The following MMS19 variants were observed in gnomAD, a reference collection of about 807,000 sequenced individuals.
The protein encoded by MMS19 is MMS19 nucleotide excision repair protein homolog.
MMS19 carries 77 observed loss-of-function variants against 129.8 expected under a neutral mutation model. The observed-to-expected ratio is 0.59, with a 90% CI of 0.49 to 0.72. MMS19 has a LOEUF of 0.72. MMS19 is among the 30% of genes least tolerant of loss of function. The pLI is 0.00. For missense variants in MMS19, 1,168 were observed against 1,266.3 expected (o/e 0.92, Z 1.18); for synonymous variants, 491 against 502.8 (o/e 0.98, Z 0.31).
intron 29 of MMS19, 99 bp downstream of exon 29, chr10:97,459,124 A>T: frequency 8.4e-7 from 1 of 1,184,106 alleles, no homozygotes; most frequent in Non-Finnish European, 1.2e-6. Flanking sequence ...GATCTCAATT[A>T]CACACCAGGG....
At position 97,495,311 on chromosome 10, in the gene MMS19, C is replaced by T. The variant is rs369137023; in HGVS notation, c.112+2962G>A. ...TAACCCTTAGGCTGCCAGGTTATTT[C>T]CCTCCCATCGCCTGCAGCTTCTTTA... On this transcript the variant is annotated intron_variant, in intron 1 of 30. Coordinates refer to ENST00000438925, the MANE Select transcript of MMS19 (RefSeq NM_022362.5). 2.0e-5 allele frequency among the ~76,000 whole-genome samples: 3 copies of T among 152,222 alleles called. No individual in the cohort carries two copies. The East Asian group carries it at 5.8e-4, about 29-fold the overall frequency.
intron 11 of MMS19, 141 bp downstream of exon 11, chr10:97,469,505 T>C: frequency 1.5e-6 from 1 of 672,800 alleles, no homozygotes; most frequent in Non-Finnish European, 2.6e-6. Context: ...TAGAATTATG[T>C]CCCCCTACTT....
At chr10:97,461,396 T>C (rs2031865944) in intron 23 of MMS19, 100 bp downstream of exon 23, 5 of 1,396,150 alleles carry the variant, frequency 3.6e-6, no homozygotes, top group Non-Finnish European at 4.9e-6. Context: ...CCTGTTAATG[T>C]TATTAGCAAG....
At chr10:97,460,319 T>G (rs2031421917) in intron 25 of MMS19, 87 bp from the exon 26 acceptor site, 1 of 1,292,816 alleles carries the variant, frequency 7.7e-7, no homozygotes, top group Admixed American at 2.2e-5. Context: ...TGGTGGCTCA[T>G]GCCTGTAATC....
chr10:97,459,169 TTATGTG>T (rs2030870296), intron 29 of MMS19, 48 bp downstream of exon 29: 1 of 1,557,122 alleles, frequency 6.4e-7, no homozygotes, highest in East Asian at 2.3e-5. Context: ...AAAAAGGTAC[TTATGTG>T]TCTCTTGAGA....
At chr10:97,486,211 T>C (rs1191459609) in intron 1 of MMS19, among the ~76,000 whole-genome samples, 1 of 152,148 alleles carries the variant, frequency 6.6e-6, no homozygotes, top group Non-Finnish European at 1.5e-5. Context: ...TGAGACAGGG[T>C]CTCTCTGTCA....
At chr10:97,484,221 T>A (rs982139780) in intron 1 of MMS19, 70 bp from the exon 2 acceptor site, 6 of 1,075,116 alleles carry the variant, frequency 5.6e-6, no homozygotes, top group Non-Finnish European at 7.9e-6. Context: ...ATAACACTAA[T>A]TATAATGTTT....
intron 29 of MMS19, 149 bp downstream of exon 29, chr10:97,459,074 C>A: frequency 1.0e-6 from 1 of 965,698 alleles, no homozygotes; most frequent in South Asian, 1.7e-5. Context: ...GGAAAAGAAT[C>A]CTTGGGCCCA....
chr10:97,463,919 C>A lies in MMS19; in HGVS notation c.1851G>T (p.Trp617Cys). ...AAGGTATAGCTGTCTGGTGGAAATA[C>A]CAGCAACTCTCAGGGTCCTGCTGAC... ...EKCQQDPESCWYFHQTAIPCL... is the reference protein window; with the variant it reads ...EKCQQDPESCCYFHQTAIPCL... The change falls in exon 19 of 31, where the codon TGG becomes TGT. Residue 617 changes from tryptophan (W) to cysteine (C), a missense_variant. Trp to Cys is a radical substitution (Grantham distance 215). This residue lies in a region of MMS19 where 831 missense variants were observed against 910.8 expected (regional missense o/e 0.91). Transcript: ENST00000438925. 6.2e-7 allele frequency: 1 copy of A among 1,612,784 alleles called. No individual in the cohort carries two copies. The highest frequency in any genetic ancestry group is 8.5e-7 in the Non-Finnish European group (1 of 1,179,378).
rs1188007843 is a variant in MMS19 at position 97,470,151 on chromosome 10, T to C, written c.824A>G (p.Lys275Arg). ...EKVDSEVLSA[K>R]LDSLQTLNAC... is the part of the protein sequence containing the mutation. ...CACCAGAGTCTGTAGAGAATCCAAC[T>C]TGGCACTCAGAACCTCAGAATCCAC... Residue 275 changes from lysine (K) to arginine (R), a missense_variant, in exon 10 of 31, where the codon AAG (lysine) becomes AGG (arginine). Coordinates refer to ENST00000438925, the MANE Select transcript of MMS19 (RefSeq NM_022362.5). The C allele has an allele frequency of 2.5e-6, 4 of 1,609,888 alleles. No homozygotes were observed. Among genetic ancestry groups the C allele is most frequent in the East Asian group, 2.2e-5 (1 of 44,836 alleles).
chr10:97,459,225 C>G lies in MMS19; in HGVS notation c.2962G>C (p.Val988Leu), dbSNP rs375234767. 1.9e-6 allele frequency: 3 copies of G among 1,611,390 alleles called. No homozygotes were observed. The highest frequency in any genetic ancestry group is 2.5e-6 in the Non-Finnish European group (3 of 1,178,956). Residue 988 changes from valine (V) to leucine (L), a missense_variant and splice_region_variant, in exon 29 of 31, where the codon GTG becomes CTG. By Grantham distance (32) the Val-to-Leu change is conservative. Around this residue, in one of 3 missense-constraint regions of MMS19, gnomAD observed 831 missense variants for 910.8 expected, o/e 0.91. Transcript: ENST00000438925. ...MHALTRLPTP[V>L]LLPYKPQVIR... is the part of the protein sequence containing the mutation. ...GGAAGGACACCTGAGGTACTTACCACAGGGGTGGGCAGGCGAGTGAGAGCA... is the reference window on the plus strand; with the variant it reads ...GGAAGGACACCTGAGGTACTTACCAGAGGGGTGGGCAGGCGAGTGAGAGCA...
At chr10:97,498,538 G>C (rs1301816182), upstream of MMS19, 1 of 1,067,996 alleles carries the variant, frequency 9.4e-7, no homozygotes, top group Non-Finnish European at 1.3e-6. Flanking sequence ...GTTCCAGGGA[G>C]GGGCGGGGCC....
chr10:97,467,028 G>A (rs1589614564), intron 14 of MMS19, 127 bp from the exon 15 acceptor site: 1 of 1,012,548 alleles, frequency 9.9e-7, no homozygotes, highest in Non-Finnish European at 1.4e-6. Flanking sequence ...GCCCAGGCTG[G>A]AGTGCAGTGG....
At position 97,498,422 on chromosome 10, in the gene MMS19, T is replaced by C; in HGVS notation, c.-38A>G. On this transcript the variant is annotated 5_prime_UTR_variant, in exon 1 of 31. Coordinates refer to ENST00000438925, the MANE Select transcript of MMS19 (RefSeq NM_022362.5). The stretch of plus-strand genomic sequence containing the variant: ...AGACCGTGGGAGGGGATATGGGCGG[T>C]GGCTCGAGACGGGCTCTCCGCGCAT... 2 of 1,566,794 alleles carry C rather than the reference T, an allele frequency of 1.3e-6. No individual in the cohort carries two copies. The highest frequency in any genetic ancestry group is 1.7e-6 in the Non-Finnish European group (2 of 1,165,000).
At chr10:97,492,860 CAAAAAA>C (rs67491435) in intron 1 of MMS19, among the ~76,000 whole-genome samples, 2 of 106,084 alleles carry the variant, frequency 1.9e-5, no homozygotes, top group Non-Finnish European at 2.0e-5. Flanking sequence ...CTTCATCTCC[CAAAAAA>C]AAAAAAAAAA....
chr10:97,469,826 G>C, intron 10 of MMS19, 103 bp from the exon 11 acceptor site: 2 of 941,290 alleles, frequency 2.1e-6, no homozygotes, highest in Non-Finnish European at 3.3e-6. Flanking sequence ...GGTCTCAGCA[G>C]AAAAACCAGT....
chr10:97,497,300 C>G (rs906259947), intron 1 of MMS19, among the ~76,000 whole-genome samples: 4 of 152,192 alleles, frequency 2.6e-5, no homozygotes, highest in Admixed American at 2.0e-4. Context: ...AAGTGGAATA[C>G]TGCTAACGAA....
chr10:97,474,467 G>A (rs1009967426), intron 8 of MMS19, among the ~76,000 whole-genome samples: 1 of 151,852 alleles, frequency 6.6e-6, no homozygotes, highest in Non-Finnish European at 1.5e-5. Flanking sequence ...ACAATCACTC[G>A]AACCCCGGAG....
intron 1 of MMS19, among the ~76,000 whole-genome samples, chr10:97,494,082 T>C (rs1173294193): frequency 2.0e-5 from 3 of 152,200 alleles, no homozygotes; most frequent in Non-Finnish European, 4.4e-5. Flanking sequence ...AATTATGCAC[T>C]TGGACTCCTG....
Sources: allele counts gnomAD v4.1 joint callset (sites outside exome capture counted in the v4.1 genomes callset), GRCh38; gene constraint gnomAD v4.1.1; regional missense constraint gnomAD v4.1.1; transcripts MANE v1.5; gene names NCBI Gene and HGNC (gene_info 2026-07-23, HGNC 2026-07-21).